Variants in RFX2 observed in about 807,000 individuals in gnomAD.
RFX2 encodes DNA-binding protein RFX2.
Under a neutral mutation model 87.8 loss-of-function variants are expected in RFX2, and 20 were observed. The observed-to-expected ratio is 0.23, with a 90% CI of 0.16 to 0.33. The LOEUF is 0.33. Ranked by LOEUF, RFX2 falls within the 10% of genes least tolerant of loss-of-function variation. RFX2 has a pLI of 1.00. For synonymous variants in RFX2, 397 were observed against 431.3 expected (o/e 0.92, Z 0.98); for missense variants, 767 against 1,012.3 (o/e 0.76, Z 3.29).
In RFX2 at chr19:6,023,565, G is replaced by A. The variant is rs936172468; in HGVS notation, c.597+2598C>T. 6.6e-6 allele frequency among the ~76,000 whole-genome samples: 1 copy of A among 152,158 alleles called. No individual in the cohort carries two copies. The highest frequency in any genetic ancestry group is 2.4e-5 in the African/African-American group (1 of 41,438). ...TCCTTTGCTTCGAGTCACCAAGCCCGGAATCTTACTGATCACAGCTCATGA... is the reference window on the plus strand; with the variant it reads ...TCCTTTGCTTCGAGTCACCAAGCCCAGAATCTTACTGATCACAGCTCATGA... On this transcript the variant is annotated intron_variant, in intron 6 of 17. Transcript: ENST00000303657. The surrounding 1 kb of genome is among the most constrained non-coding windows in gnomAD (Gnocchi z 4.9).
In RFX2 at chr19:5,997,046, A is replaced by G. The variant is rs904069458; in HGVS notation, c.2013+14T>C. On this transcript the variant is annotated intron_variant, in intron 16 of 17. Transcript: ENST00000303657. The surrounding 1 kb of genome is among the most constrained non-coding windows in gnomAD (Gnocchi z 4.2). ...CGGCCAAGCCCCGGCCGTCCCACCC[A>G]GGAGGGTCCTCACCTCTCCCATCAC... The G allele has an allele frequency of 1.2e-6, 2 of 1,604,572 alleles. No homozygotes were observed. The highest frequency in any genetic ancestry group is 1.1e-5 in the South Asian group (1 of 90,696).
chr19:6,065,476 C>T lies in RFX2; in HGVS notation c.-8-17972G>A, dbSNP rs371485931. ...CCTGGCTAACACGGTGAAACCCCGT[C>T]TCTACTACAAATACAAAAAAATTAG... On this transcript the variant is annotated intron_variant, in intron 1 of 17. Transcript: ENST00000303657. Among the ~76,000 whole-genome samples the T allele has an allele frequency of 7.2e-5, 11 of 152,254 alleles. No individual in the cohort carries two copies. In the South Asian group the frequency reaches 2.3e-3, roughly 32 times the overall value.
In RFX2 at chr19:6,013,646, G is replaced by C. The variant is rs2086687979; in HGVS notation, c.780-541C>G. ...GTGATCCTCCTGCCTCAGCCTCTGA[G>C]TAGCTGGGACAGCTGGCGTGTGCCA... is the stretch of plus-strand genomic sequence containing the variant. On this transcript the variant is annotated intron_variant, in intron 7 of 17. Transcript: ENST00000303657. The surrounding 1 kb of genome is among the most constrained non-coding windows in gnomAD (Gnocchi z 4.1). Among the ~76,000 whole-genome samples, 1 of 152,176 alleles carries C rather than the reference G, an allele frequency of 6.6e-6. No homozygotes were observed. The highest frequency in any genetic ancestry group is 2.4e-5 in the African/African-American group (1 of 41,438).
rs779165901 is a variant in RFX2, at chr19:6,002,013, G to C, written c.1661C>G (p.Ser554Trp). 1 of 1,608,046 alleles carries C rather than the reference G, an allele frequency of 6.2e-7. No individual in the cohort carries two copies. Among genetic ancestry groups the C allele is most frequent in the South Asian group, 1.1e-5 (1 of 90,870 alleles). Residue 554 changes from serine to tryptophan, a missense_variant, in exon 15 of 18, where the codon TCG (serine) becomes TGG (tryptophan). Transcript: ENST00000303657. The surrounding 1 kb of genome is among the most constrained non-coding windows in gnomAD (Gnocchi z 6.7). ...ACTCTCCTCGCACTGGCACACCCACGAGGCCTGCTCCTGTGGGCAGGGCAG... is the reference window on the plus strand; with the variant it reads ...ACTCTCCTCGCACTGGCACACCCACCAGGCCTGCTCCTGTGGGCAGGGCAG... ...VDFANVQEQA[S>W]WVCQCEESVV... is the part of the protein sequence containing the mutation.
At position 6,074,928 on chromosome 19, in the gene RFX2, C is replaced by G. The variant is rs116780067; in HGVS notation, c.-8-27424G>C. ...CCTTAAATTCCTATGCTGAACTCCT[C>G]ACCCCAAGGCAGTAGCTTTAGGAGG... On this transcript the variant is annotated intron_variant, in intron 1 of 17. Transcript: ENST00000303657. This position sits in a 1 kb window ranked among gnomAD's most constrained non-coding sequence, Gnocchi z 5.2. 0.015 allele frequency among the ~76,000 whole-genome samples: 2,312 copies of G among 152,216 alleles called. 58 individuals carry two copies. The highest frequency in any genetic ancestry group is 0.052 in the African/African-American group (2,147 of 41,520).
intron 5 of RFX2, among the ~76,000 whole-genome samples, chr19:6,032,330 C>T (rs1159909159): frequency 3.9e-5 from 6 of 152,092 alleles, no homozygotes; most frequent in Admixed American, 1.3e-4. Flanking sequence ...CAGGGTTTCA[C>T]CATGTTGGCC....
intron 1 of RFX2, among the ~76,000 whole-genome samples, chr19:6,072,348 G>A (rs1229944299): frequency 6.6e-5 from 10 of 152,198 alleles, no homozygotes; most frequent in African/African-American, 2.4e-4. Context: ...CCTGGGTGCT[G>A]GGTGACCCTG....
At chr19:6,104,584 A>AT (rs1247668116) in intron 1 of RFX2, among the ~76,000 whole-genome samples, 10 of 150,516 alleles carry the variant, frequency 6.6e-5, no homozygotes, top group African/African-American at 2.5e-4. Flanking sequence ...AAAAAAAAAA[A>AT]TTTTTAAGGG....
At chr19:6,019,321 C>T (rs1275049988) in intron 6 of RFX2, among the ~76,000 whole-genome samples, 1 of 152,114 alleles carries the variant, frequency 6.6e-6, no homozygotes. Context: ...CATTCACACC[C>T]TTCATCTTCC....
chr19:6,040,264 G>A lies in RFX2; in HGVS notation c.261-23C>T, dbSNP rs577257892. 6.6e-6 allele frequency: 10 copies of A among 1,515,454 alleles called. No individual in the cohort carries two copies. Among genetic ancestry groups the A allele is most frequent in the South Asian group, 2.6e-5 (2 of 76,904 alleles). 93.9% of individuals were successfully genotyped at this position (1,515,454 alleles called of 1,614,324 possible). ...CGTCTGTTAGAAAGAGAGAAGTCACGCATGGGACGCTGTCCCATTTAAATG... is the reference window on the plus strand; with the variant it reads ...CGTCTGTTAGAAAGAGAGAAGTCACACATGGGACGCTGTCCCATTTAAATG... On this transcript the variant is annotated intron_variant, in intron 4 of 17. Coordinates refer to ENST00000303657, the MANE Select transcript of RFX2 (RefSeq NM_000635.4). The surrounding 1 kb of genome is among the most constrained non-coding windows in gnomAD (Gnocchi z 6.1).
At chr19:6,025,951 A>G (rs2086883158) in intron 6 of RFX2, among the ~76,000 whole-genome samples, 1 of 151,638 alleles carries the variant, frequency 6.6e-6, no homozygotes, top group African/African-American at 2.4e-5. Flanking sequence ...ATGCCCAGCT[A>G]ATTTTTCTAT....
chr19:6,015,021 C>T (rs1193051028), intron 7 of RFX2, among the ~76,000 whole-genome samples: 2 of 152,192 alleles, frequency 1.3e-5, no homozygotes, highest in Admixed American at 1.3e-4. Context: ...GCTGCTGTTT[C>T]TTTCTGTTAG....
At chr19:6,073,271 C>T (rs576135789) in intron 1 of RFX2, 56 of 806,378 alleles carry the variant, frequency 6.9e-5, no homozygotes, top group Middle Eastern at 3.8e-4. Flanking sequence ...TGAGCCACCG[C>T]GCCTGCAAGG....
chr19:6,031,423 C>CTTTTTTTTTTTTTTTTTTT (rs58834364), intron 5 of RFX2, among the ~76,000 whole-genome samples: 3 of 90,220 alleles, frequency 3.3e-5, no homozygotes, highest in Non-Finnish European at 3.9e-5. Context: ...TTCTCCTTCC[C>CTTTTTTTTTTTTTTTTTTT]TTTTTTTTTT....
chr19:6,054,541 T>TTG (rs2087307390), intron 1 of RFX2, among the ~76,000 whole-genome samples: 1 of 152,162 alleles, frequency 6.6e-6, no homozygotes, highest in Middle Eastern at 3.2e-3. Flanking sequence ...ACTTAGATTA[T>TTG]CAATTGATTT....
chr19:6,029,654 A>C (rs1445848277), intron 5 of RFX2, among the ~76,000 whole-genome samples: 2 of 152,258 alleles, frequency 1.3e-5, no homozygotes, highest in African/African-American at 4.8e-5. Flanking sequence ...TTTGTAGTGA[A>C]CTGAGATCAC....
intron 6 of RFX2, among the ~76,000 whole-genome samples, chr19:6,019,246 C>T (rs2086773073): frequency 6.6e-6 from 1 of 152,194 alleles, no homozygotes; most frequent in African/African-American, 2.4e-5. Flanking sequence ...GGAGTGGAGA[C>T]TTCATCTCTT....
At chr19:6,106,302 T>C (rs1047764113) in intron 1 of RFX2, among the ~76,000 whole-genome samples, 1 of 152,156 alleles carries the variant, frequency 6.6e-6, no homozygotes, top group Non-Finnish European at 1.5e-5. Context: ...ACCAGGCATA[T>C]GTCTACATGA....
At chr19:6,108,158 C>T (rs1328397171) in intron 1 of RFX2, among the ~76,000 whole-genome samples, 1 of 152,208 alleles carries the variant, frequency 6.6e-6, no homozygotes, top group African/African-American at 2.4e-5. Context: ...GTGATCTTTC[C>T]CATCATACAT....
Sources: allele counts gnomAD v4.1 joint callset (sites outside exome capture counted in the v4.1 genomes callset), GRCh38; gene constraint gnomAD v4.1.1; non-coding constraint Gnocchi (gnomAD v3.1); transcripts MANE v1.5; gene names NCBI Gene and HGNC (gene_info 2026-07-23, HGNC 2026-07-21).